PCDHGA1: variants seen among roughly 807,000 people sequenced by gnomAD.
The protein encoded by PCDHGA1 is protocadherin gamma-A1.
A neutral mutation model predicts 58.0 loss-of-function variants in PCDHGA1; 32 were observed. That is an observed-to-expected ratio of 0.55 (90% CI 0.42 to 0.74). The LOEUF (loss-of-function observed/expected upper bound fraction) is 0.74. Ranked by LOEUF, PCDHGA1 falls within the 30% of genes least tolerant of loss-of-function variation. PCDHGA1 has a pLI of 0.00. For synonymous variants in PCDHGA1, 498 were observed against 501.1 expected, an observed-to-expected ratio of 0.99 and a Z score of 0.08; for missense variants, 1,205 against 1,182.3, an observed-to-expected ratio of 1.02 and a Z score of -0.28.
chr5:141,472,164 G>C (rs2099273083), intron 1 of PCDHGA1, among the ~76,000 whole-genome samples: 1 of 152,158 alleles, frequency 6.6e-6, no homozygotes, highest in Non-Finnish European at 1.5e-5. Flanking sequence ...TAGCTACTAG[G>C]TGTAATATCC....
chr5:141,344,734 A>C (rs1354555560), intron 1 of PCDHGA1: 1 of 1,613,874 alleles, frequency 6.2e-7, no homozygotes, highest in East Asian at 2.2e-5. Flanking sequence ...ATAGTCCTGG[A>C]TGCAAATGAC....
At chr5:141,478,137 G>C (rs762316494) in intron 1 of PCDHGA1, 1 of 1,613,872 alleles carries the variant, frequency 6.2e-7, no homozygotes, top group South Asian at 1.1e-5. Context: ...CCTGAAGCCC[G>C]AGCCGAGTTC....
intron 1 of PCDHGA1, chr5:141,395,467 C>T (rs2093236177): frequency 1.8e-6 from 1 of 566,628 alleles, no homozygotes; most frequent in Non-Finnish European, 3.0e-6. Context: ...TTTAAGCCTT[C>T]CAGTATTTTA....
chr5:141,415,730 G>A lies in PCDHGA1; in HGVS notation c.2422-79077G>A. On this transcript the variant is annotated intron_variant, in intron 1 of 3. Transcript: ENST00000517417. Reference sequence around the variant, plus strand: ...AAAACACTGATGAGTAGAATTTGATGTTTATTAAGGTTTTTTTTTTTTTTT... The same window carrying A: ...AAAACACTGATGAGTAGAATTTGATATTTATTAAGGTTTTTTTTTTTTTTT... 4 of 476,826 alleles carry A rather than the reference G, an allele frequency of 8.4e-6. No individual in the cohort carries two copies. The South Asian group carries it at 2.0e-4, about 24-fold the overall frequency. The allele number at this position is 476,826 out of a possible 1,614,324, so 29.5% of individuals were successfully genotyped here. A position where few individuals can be genotyped will look rare whatever the true frequency, so the allele number is the denominator to read the frequency against.
Position 141,330,572 on chromosome 5 carries a change from C to T in PCDHGA1, c.-113C>T. On this transcript the variant is annotated 5_prime_UTR_variant, in exon 1 of 4. Transcript: ENST00000517417. ...GTCCAAGACTGCCTAAATCCTACTT[C>T]TGGATGACTCTCCAGTCAGAATTCT... The T allele has an allele frequency of 4.3e-6, 5 of 1,168,116 alleles. No individual in the cohort carries two copies. In the South Asian group the frequency reaches 7.8e-5, roughly 18 times the overall value. The allele number at this position is 1,168,116 out of a possible 1,614,324, so 72.4% of individuals were successfully genotyped here.
chr5:141,414,981 C>G (rs766434004), intron 1 of PCDHGA1: 12 of 1,613,722 alleles, frequency 7.4e-6, no homozygotes, highest in East Asian at 6.7e-5. Flanking sequence ...ACAGAGACTC[C>G]GGCCAGAACG....
At chr5:141,409,531 T>C (rs2095279232) in intron 1 of PCDHGA1, 1 of 1,613,870 alleles carries the variant, frequency 6.2e-7, no homozygotes, top group Non-Finnish European at 8.5e-7. Context: ...TGTATGTCGC[T>C]GACATCAACG....
intron 1 of PCDHGA1, chr5:141,384,324 T>G (rs373247436): frequency 1.9e-6 from 3 of 1,613,744 alleles, no homozygotes; most frequent in Non-Finnish European, 2.5e-6. Context: ...TCTTAGTGAC[T>G]GCACAGGACC....
chr5:141,356,507 C>A, intron 1 of PCDHGA1: 1 of 1,614,020 alleles, frequency 6.2e-7, no homozygotes, highest in Non-Finnish European at 8.5e-7. Context: ...TCTACAGAAA[C>A]TCATATTTCA....
At chr5:141,355,860 G>C (rs1289299237) in intron 1 of PCDHGA1, 3 of 1,612,220 alleles carry the variant, frequency 1.9e-6, no homozygotes, top group Non-Finnish European at 2.5e-6. Context: ...GAGGTGACCC[G>C]GTTCGCTCTG....
chr5:141,364,809 C>G, intron 1 of PCDHGA1: 23 of 1,613,952 alleles, frequency 1.4e-5, no homozygotes, highest in Non-Finnish European at 1.9e-5. Flanking sequence ...GCGCGGGATG[C>G]GGATGTGGGT....
At chr5:141,501,423 A>C (rs1195105794) in intron 2 of PCDHGA1, among the ~76,000 whole-genome samples, 1 of 151,966 alleles carries the variant, frequency 6.6e-6, no homozygotes, top group Non-Finnish European at 1.5e-5. Flanking sequence ...AGTTGACTAA[A>C]TGTAGTCCAT....
chr5:141,397,907 G>C, intron 1 of PCDHGA1: 1 of 663,426 alleles, frequency 1.5e-6, no homozygotes, highest in Non-Finnish European at 2.5e-6. Context: ...AGAGCTTGGC[G>C]CTCCAGATCT....
intron 1 of PCDHGA1, chr5:141,378,704 G>A (rs1775100637): frequency 6.6e-6 from 1 of 152,054 alleles, no homozygotes. Flanking sequence ...AGACAATAAG[G>A]CTTTCATCAT....
At chr5:141,419,803 T>C (rs2096436352) in intron 1 of PCDHGA1, 3 of 1,614,026 alleles carry the variant, frequency 1.9e-6, no homozygotes, top group Non-Finnish European at 2.5e-6. Context: ...CTGTAAGAGA[T>C]GGAGGACAGC....
At chr5:141,375,273 C>T in intron 1 of PCDHGA1, 1 of 1,613,854 alleles carries the variant, frequency 6.2e-7, no homozygotes, top group Non-Finnish European at 8.5e-7. Flanking sequence ...TTGGAAAAAT[C>T]AGTTGGCAAT....
At chr5:141,396,797 T>C (rs1043872860) in intron 1 of PCDHGA1, among the ~76,000 whole-genome samples, 1 of 152,182 alleles carries the variant, frequency 6.6e-6, no homozygotes, top group Non-Finnish European at 1.5e-5. Context: ...TTCCTAAGGA[T>C]TGTGTAGTGT....
chr5:141,419,332 C>A, intron 1 of PCDHGA1: 1 of 1,613,950 alleles, frequency 6.2e-7, no homozygotes, highest in South Asian at 1.1e-5. Context: ...CCTACTCTCT[C>A]ATTGCCAGCG....
intron 1 of PCDHGA1, among the ~76,000 whole-genome samples, chr5:141,452,803 A>G (rs1045171800): frequency 2.6e-5 from 4 of 152,186 alleles, no homozygotes; most frequent in African/African-American, 9.7e-5. Context: ...TTTTTGCTGT[A>G]GTTTGTTCAT....
Sources: allele counts gnomAD v4.1 joint callset (sites outside exome capture counted in the v4.1 genomes callset), GRCh38; gene constraint gnomAD v4.1.1; transcripts MANE v1.5; gene names NCBI Gene and HGNC (gene_info 2026-07-23, HGNC 2026-07-21).